The following SIDT1 variants were observed in gnomAD, a reference collection of about 807,000 sequenced individuals.
SIDT1 encodes SID1 transmembrane family member 1.
SIDT1 carries 101 observed loss-of-function variants against 107.5 expected under a neutral mutation model. The observed-to-expected ratio is 0.94, with a 90% CI of 0.80 to 1.11. SIDT1 has a LOEUF of 1.11. Among genes scored for constraint, SIDT1 ranks in the 50% least tolerant of loss-of-function variants. SIDT1 has a pLI of 0.00. For missense variants in SIDT1, 1,076 were observed against 1,058.2 expected (o/e 1.02, Z -0.23); for synonymous variants, 395 against 398.2 (o/e 0.99, Z 0.10).
chr3:113,626,539 C>T lies in SIDT1; in HGVS notation c.2421+324C>T, dbSNP rs141792268. ...CCCCAGGAACCACTTTTAGCAATTC[C>T]GATAACATTGGGTTATTCCTTCTTA... On this transcript the variant is annotated intron_variant, in intron 24 of 24. Coordinates refer to ENST00000264852, the MANE Select transcript of SIDT1 (RefSeq NM_017699.3). Among the ~76,000 whole-genome samples, 208 of 152,252 alleles carry T rather than the reference C, an allele frequency of 1.4e-3. 1 individual carries two copies. The highest frequency in any genetic ancestry group is 4.6e-3 in the African/African-American group (191 of 41,542).
At chr3:113,578,317 A>AC (rs1943069500) in intron 4 of SIDT1, among the ~76,000 whole-genome samples, 1 of 151,840 alleles carries the variant, frequency 6.6e-6, no homozygotes, top group South Asian at 2.1e-4. Flanking sequence ...AATACAAAAA[A>AC]TTACCCGGGC....
At chr3:113,609,280 G>A (rs1007320051) in intron 17 of SIDT1, among the ~76,000 whole-genome samples, 1 of 151,810 alleles carries the variant, frequency 6.6e-6, no homozygotes. Flanking sequence ...TGGCCGGGCT[G>A]GTCTCAAACT....
chr3:113,597,495 CAAAAAAAAAAA>C (rs60934363), intron 10 of SIDT1, among the ~76,000 whole-genome samples: 5 of 109,526 alleles, frequency 4.6e-5, no homozygotes, highest in South Asian at 2.9e-4. Context: ...GACTCCATCT[CAAAAAAAAAAA>C]AAAAAAAAAA....
At chr3:113,590,610 T>A (rs1944076820) in intron 9 of SIDT1, among the ~76,000 whole-genome samples, 1 of 152,218 alleles carries the variant, frequency 6.6e-6, no homozygotes, top group Non-Finnish European at 1.5e-5. Context: ...AACTCCGAGT[T>A]TAACAAGATT....
chr3:113,635,873 CAA>C, the SIDT1 span, among the ~76,000 whole-genome samples: 3 of 95,672 alleles, frequency 3.1e-5, no homozygotes, highest in Admixed American at 1.2e-4. Context: ...GACTCTGTCT[CAA>C]AAAAAAAAAA....
chr3:113,628,136 G>T lies in SIDT1; in HGVS notation c.*428G>T. 1 of 176,916 alleles carries T rather than the reference G, an allele frequency of 5.7e-6. No individual in the cohort carries two copies. Among genetic ancestry groups the T allele is most frequent in the Non-Finnish European group, 1.2e-5 (1 of 83,234 alleles). 11.0% of individuals were successfully genotyped at this position (176,916 alleles called of 1,614,324 possible). The stretch of plus-strand genomic sequence containing the variant: ...GGACTTCCTGCCCAGAAACTGTGTT[G>T]GCCCCCTTCACACCTCTGCAACACC... On this transcript the variant is annotated 3_prime_UTR_variant, in exon 25 of 25. Coordinates refer to ENST00000264852, the MANE Select transcript of SIDT1 (RefSeq NM_017699.3).
intron 11 of SIDT1, 168 bp downstream of exon 11, chr3:113,601,827 A>G: frequency 1.9e-6 from 1 of 537,048 alleles, no homozygotes; most frequent in East Asian, 3.2e-5. Context: ...GCTTCCTCCC[A>G]GCTCTAACTT....
chr3:113,608,036 T>C, intron 15 of SIDT1, 58 bp from the exon 16 acceptor site: 1 of 1,474,590 alleles, frequency 6.8e-7, no homozygotes, highest in Non-Finnish European at 9.0e-7. Context: ...GCATCATGTA[T>C]TCTCTGGGTC....
chr3:113,608,664 A>G, intron 17 of SIDT1, 128 bp downstream of exon 17: 1 of 720,024 alleles, frequency 1.4e-6, no homozygotes, highest in Non-Finnish European at 2.5e-6. Context: ...GAGATCAGAG[A>G]GGACCTCCAC....
chr3:113,551,663 T>C (rs1940250631), intron 1 of SIDT1, among the ~76,000 whole-genome samples: 1 of 152,066 alleles, frequency 6.6e-6, no homozygotes, highest in Non-Finnish European at 1.5e-5. Context: ...CCCCAACGAA[T>C]TGTCCAGCCA....
chr3:113,586,641 A>G (rs1943763713), intron 9 of SIDT1, among the ~76,000 whole-genome samples: 1 of 152,296 alleles, frequency 6.6e-6, no homozygotes, highest in Admixed American at 6.5e-5. Context: ...GTTAAAGTGG[A>G]AAAAATAGTA....
intron 1 of SIDT1, among the ~76,000 whole-genome samples, chr3:113,548,134 C>T (rs1281863773): frequency 6.6e-6 from 1 of 152,082 alleles, no homozygotes; most frequent in Non-Finnish European, 1.5e-5. Context: ...TTTGCTTCCT[C>T]ATTGATACCT....
At chr3:113,576,819 G>A (rs1942940656) in intron 3 of SIDT1, 103 bp from the exon 4 acceptor site, 3 of 1,232,250 alleles carry the variant, frequency 2.4e-6, no homozygotes, top group South Asian at 2.5e-5. Context: ...CTCTCCTTGA[G>A]TCTACTTTAA....
chr3:113,578,464 C>T (rs1250577946), intron 4 of SIDT1, among the ~76,000 whole-genome samples: 1 of 133,082 alleles, frequency 7.5e-6, no homozygotes, highest in African/African-American at 3.0e-5. Flanking sequence ...GAGACTCTGT[C>T]TCAAAAAAAA....
chr3:113,576,645 A>G (rs531723999), intron 3 of SIDT1, among the ~76,000 whole-genome samples: 43 of 152,320 alleles, frequency 2.8e-4, no homozygotes, highest in African/African-American at 1.0e-3. Flanking sequence ...TACAAAAGTA[A>G]ATAAACTACC....
At chr3:113,592,210 G>C (rs1206266199) in intron 9 of SIDT1, among the ~76,000 whole-genome samples, 1 of 152,164 alleles carries the variant, frequency 6.6e-6, no homozygotes, top group African/African-American at 2.4e-5. Flanking sequence ...TCTAGAATTC[G>C]ATAGTGGTGG....
intron 4 of SIDT1, among the ~76,000 whole-genome samples, chr3:113,578,674 C>T (rs1284867599): frequency 6.6e-6 from 1 of 150,874 alleles, no homozygotes; most frequent in African/African-American, 2.4e-5. Context: ...ATAGCAAGAC[C>T]CTGTCTCTAC....
chr3:113,619,277 T>C (rs1946303259), intron 20 of SIDT1, among the ~76,000 whole-genome samples: 1 of 152,130 alleles, frequency 6.6e-6, no homozygotes, highest in Non-Finnish European at 1.5e-5. Flanking sequence ...AGAGTTGCAA[T>C]AGTGGCTACC....
chr3:113,583,967 T>TA (rs1285313153), intron 7 of SIDT1, among the ~76,000 whole-genome samples: 2 of 152,168 alleles, frequency 1.3e-5, no homozygotes, highest in African/African-American at 4.8e-5. Context: ...TGAAAAATAG[T>TA]AAGAAAGCCC....
Sources: allele counts gnomAD v4.1 joint callset (sites outside exome capture counted in the v4.1 genomes callset), GRCh38; gene constraint gnomAD v4.1.1; transcripts MANE v1.5; gene names NCBI Gene and HGNC (gene_info 2026-07-23, HGNC 2026-07-21).